The following FOXN3 variants were observed in gnomAD, a reference collection of about 807,000 sequenced individuals.
FOXN3 encodes the protein forkhead box protein N3.
In FOXN3, 7 loss-of-function variants were observed where a neutral mutation model predicts 38.4. The observed-to-expected ratio is 0.18, with a 90% CI of 0.10 to 0.34. The LOEUF (loss-of-function observed/expected upper bound fraction) is 0.34, where lower values mean the gene tolerates loss of function less well. FOXN3 is among the 10% of genes least tolerant of loss of function. The pLI is 1.00. For missense variants in FOXN3, 456 were observed against 613.4 expected (o/e 0.74, Z 2.71); for synonymous variants, 230 against 242.2 (o/e 0.95, Z 0.47).
At chr14:89,444,703 G>A (rs1367681883) in intron 1 of FOXN3, among the ~76,000 whole-genome samples, 3 of 152,134 alleles carry the variant, frequency 2.0e-5, no homozygotes, top group African/African-American at 4.8e-5. Flanking sequence ...GCAGCTTCCC[G>A]ATGTTCTGTC....
intron 1 of FOXN3, among the ~76,000 whole-genome samples, chr14:89,566,670 T>C (rs920727550): frequency 6.6e-6 from 1 of 152,250 alleles, no homozygotes; most frequent in Non-Finnish European, 1.5e-5. Context: ...GAGATTATTC[T>C]AGACTCATTC....
At position 89,305,372 on chromosome 14, in the gene FOXN3, C is replaced by T. The variant is rs181990083; in HGVS notation, c.681-24358G>A. 7.2e-5 allele frequency among the ~76,000 whole-genome samples: 11 copies of T among 152,312 alleles called. No homozygotes were observed. In the East Asian group the frequency reaches 2.1e-3, roughly 29 times the overall value. On this transcript the variant is annotated intron_variant, in intron 3 of 5. Coordinates refer to ENST00000557258, the MANE Select transcript of FOXN3 (RefSeq NM_005197.4). ...GCCTCTATGACATCACTGTCCTACC[C>T]GATGAGTTTCAGTACCATGAGCAGA...
intron 4 of FOXN3, among the ~76,000 whole-genome samples, chr14:89,266,002 T>G (rs1048484869): frequency 3.3e-5 from 5 of 152,184 alleles, no homozygotes; most frequent in Admixed American, 6.5e-5. Context: ...CCCATTACTG[T>G]GGATTTATCT....
intron 1 of FOXN3, among the ~76,000 whole-genome samples, chr14:89,454,891 G>A (rs1048953652): frequency 4.2e-4 from 64 of 152,162 alleles, no homozygotes; most frequent in African/African-American, 1.5e-3. Flanking sequence ...ATCTCACCCT[G>A]GAGAAGGAGA....
chr14:89,267,083 C>A (rs1886005341), intron 4 of FOXN3, among the ~76,000 whole-genome samples: 1 of 152,038 alleles, frequency 6.6e-6, no homozygotes, highest in African/African-American at 2.4e-5. Context: ...TCCCTTCTTC[C>A]CTACAGGAAA....
intron 4 of FOXN3, among the ~76,000 whole-genome samples, chr14:89,209,821 G>T (rs1320483930): frequency 6.6e-6 from 1 of 152,072 alleles, no homozygotes; most frequent in African/African-American, 2.4e-5. Flanking sequence ...TCACAACAAC[G>T]GTATTTAATT....
chr14:89,254,585 T>C (rs923220915), intron 4 of FOXN3, among the ~76,000 whole-genome samples: 4 of 152,098 alleles, frequency 2.6e-5, no homozygotes, highest in Admixed American at 2.6e-4. Context: ...TATGTAAAAT[T>C]TCCTGATTTT....
Position 89,548,831 on chromosome 14 carries a change from A to G in FOXN3, c.-15+70197T>C, listed in dbSNP as rs1328081605. On this transcript the variant is annotated intron_variant, in intron 1 of 6. Coordinates refer to the FOXN3 transcript ENST00000345097. This position sits in a 1 kb window ranked among gnomAD's most constrained non-coding sequence, Gnocchi z 4.8. Reference sequence around the variant, plus strand: ...ATCAGAACAAGGTATTCAGTTTTTTATAATGTGCCGGGCGCGGTGGCTCAC... The same window carrying G: ...ATCAGAACAAGGTATTCAGTTTTTTGTAATGTGCCGGGCGCGGTGGCTCAC... Among the ~76,000 whole-genome samples, 2 of 152,192 alleles carry G rather than the reference A, an allele frequency of 1.3e-5. No individual in the cohort carries two copies. Among genetic ancestry groups the G allele is most frequent in the Non-Finnish European group, 2.9e-5 (2 of 68,032 alleles).
intron 1 of FOXN3, among the ~76,000 whole-genome samples, chr14:89,486,180 A>C: frequency 6.6e-6 from 1 of 152,226 alleles, no homozygotes; most frequent in East Asian, 1.9e-4. Context: ...TATTGAACTC[A>C]ACTAAAAGTA....
intron 1 of FOXN3, among the ~76,000 whole-genome samples, chr14:89,470,286 T>C (rs7152064): frequency 0.036 from 2,484 of 69,126 alleles, 59 homozygotes; most frequent in African/African-American, 0.088. Flanking sequence ...TATTTCTCTC[T>C]GACTTTCTAA....
At chr14:89,168,524 GA>G (rs1943892342) in intron 5 of FOXN3, among the ~76,000 whole-genome samples, 2 of 152,128 alleles carry the variant, frequency 1.3e-5, no homozygotes, top group African/African-American at 4.8e-5. Context: ...TAGCTGAAGA[GA>G]AAAATTAGTG....
intron 1 of FOXN3, among the ~76,000 whole-genome samples, chr14:89,505,304 A>ACGGTCTCC (rs1555357734): frequency 1.4e-4 from 3 of 21,392 alleles, no homozygotes; most frequent in Admixed American, 9.9e-4. Flanking sequence ...CCCTCTCCCC[A>ACGGTCTCC]CGGTCTCCCT....
intron 2 of FOXN3, among the ~76,000 whole-genome samples, chr14:89,368,027 T>C (rs112124253): frequency 1.3e-5 from 2 of 152,154 alleles, no homozygotes; most frequent in Admixed American, 6.5e-5. Flanking sequence ...TGCTGAGTTC[T>C]GCTATCAAAA....
In FOXN3 at chr14:89,162,283, A is replaced by G. The variant is rs1000112008; in HGVS notation, c.*131T>C. 2 of 738,412 alleles carry G rather than the reference A, an allele frequency of 2.7e-6. No homozygotes were observed. Among genetic ancestry groups the G allele is most frequent in the African/African-American group, 3.6e-5 (2 of 55,528 alleles). The allele number at this position is 738,412 out of a possible 1,614,324, so 45.7% of individuals were successfully genotyped here. A position where few individuals can be genotyped will look rare whatever the true frequency, so the allele number is the denominator to read the frequency against. On this transcript the variant is annotated 3_prime_UTR_variant, in exon 6 of 6. Coordinates refer to ENST00000557258, the MANE Select transcript of FOXN3 (RefSeq NM_005197.4). This position sits in a 1 kb window ranked among gnomAD's most constrained non-coding sequence, Gnocchi z 7.2. ...AATTAAAACAAAATAAAAGGAAAAGAAAAGAAAGAAAACCAAACCAAAAAC... is the reference window on the plus strand; with the variant it reads ...AATTAAAACAAAATAAAAGGAAAAGGAAAGAAAGAAAACCAAACCAAAAAC...
intron 2 of FOXN3, among the ~76,000 whole-genome samples, chr14:89,360,388 G>C (rs1889424188): frequency 6.7e-6 from 1 of 149,882 alleles, no homozygotes; most frequent in Non-Finnish European, 1.5e-5. Context: ...GAAAGGGAGG[G>C]AGGGAGGCAG....
intron 3 of FOXN3, among the ~76,000 whole-genome samples, chr14:89,349,014 A>C (rs2140006023): frequency 6.6e-6 from 1 of 152,298 alleles, no homozygotes; most frequent in Middle Eastern, 3.4e-3. Flanking sequence ...AGGGAGATGA[A>C]ATACTTCTGA....
intron 1 of FOXN3, among the ~76,000 whole-genome samples, chr14:89,588,155 CA>C (rs1895882373): frequency 6.6e-6 from 1 of 152,036 alleles, no homozygotes; most frequent in African/African-American, 2.4e-5. Context: ...AAGTGTGTGG[CA>C]CCTCCTCCCT....
chr14:89,534,841 G>A (rs374143766), intron 1 of FOXN3, among the ~76,000 whole-genome samples: 8 of 152,186 alleles, frequency 5.3e-5, no homozygotes, highest in Non-Finnish European at 8.8e-5. Flanking sequence ...CAAGAGGCCC[G>A]TTCTATCCAC....
At chr14:89,547,224 GTTATTTAT>G (rs142859577) in intron 1 of FOXN3, among the ~76,000 whole-genome samples, 14,563 of 144,702 alleles carry the variant, frequency 0.1, 944 homozygotes, top group African/African-American at 0.19. Context: ...CAGACACTAG[GTTATTTAT>G]TTATTTATTT....
Sources: gnomAD v4.1 joint callset for allele counts (sites outside exome capture counted in the v4.1 genomes callset) on GRCh38, gnomAD v4.1.1 for gene constraint, Gnocchi (gnomAD v3.1) non-coding constraint, MANE v1.5 for transcripts, NCBI Gene and HGNC (gene_info 2026-07-23, HGNC 2026-07-21) for gene names.